DLG2: variants seen among roughly 807,000 people sequenced by gnomAD.
The protein encoded by DLG2 is disks large homolog 2.
In DLG2, 45 loss-of-function variants were observed where a neutral mutation model predicts 132.5. The observed-to-expected ratio is 0.34, with a 90% confidence interval of 0.27 to 0.44. DLG2 has a LOEUF of 0.44. Ranked by LOEUF, DLG2 falls within the 20% of genes least tolerant of loss-of-function variation. DLG2 has a pLI of 1.00. For synonymous variants in DLG2, 424 were observed against 419.6 expected, an observed-to-expected ratio of 1.01 and a Z score of -0.13; for missense variants, 1,045 against 1,196.9, an observed-to-expected ratio of 0.87 and a Z score of 1.87.
At chr11:83,604,149 A>G (rs1391166634) in intron 19 of DLG2, among the ~76,000 whole-genome samples, 1 of 152,226 alleles carries the variant, frequency 6.6e-6, no homozygotes, top group African/African-American at 2.4e-5. Context: ...ATTAAAAACA[A>G]AAAGACAGCA....
chr11:84,521,295 G>A (rs906142968), intron 7 of DLG2, among the ~76,000 whole-genome samples: 1 of 152,106 alleles, frequency 6.6e-6, no homozygotes, highest in African/African-American at 2.4e-5. Flanking sequence ...ATTGAAATAA[G>A]TGAACCTCTG....
chr11:85,196,771 A>C (rs1448857821), intron 4 of DLG2, among the ~76,000 whole-genome samples: 1 of 152,202 alleles, frequency 6.6e-6, no homozygotes, highest in Non-Finnish European at 1.5e-5. Context: ...TTATCATGAA[A>C]TTGGTGTACT....
intron 17 of DLG2, among the ~76,000 whole-genome samples, chr11:83,811,169 T>A (rs2047164052): frequency 6.6e-6 from 1 of 152,154 alleles, no homozygotes; most frequent in Non-Finnish European, 1.5e-5. Context: ...TATTGAGAAC[T>A]GAATAAGGTG....
At chr11:84,681,627 T>C (rs2099730246) in intron 6 of DLG2, among the ~76,000 whole-genome samples, 1 of 152,124 alleles carries the variant, frequency 6.6e-6, no homozygotes, top group South Asian at 2.1e-4. Flanking sequence ...ATGCTTTCAA[T>C]TAATGCTTGA....
rs1479359059 is a variant in DLG2 at position 85,312,329 on chromosome 11, A to G, written c.41-26964T>C. Among the ~76,000 whole-genome samples, 6 of 151,478 alleles carry G rather than the reference A, an allele frequency of 4.0e-5. No homozygotes were observed. The East Asian group carries it at 7.7e-4, about 20-fold the overall frequency. On this transcript the variant is annotated intron_variant, in intron 3 of 27. Transcript: ENST00000376104. ...ACCTATATAAGGAATTCTAAAAATG[A>G]CATCTCTCAGCTTTGTAAAATTTTA...
At chr11:84,224,301 T>C (rs1429903922) in intron 8 of DLG2, among the ~76,000 whole-genome samples, 1 of 152,184 alleles carries the variant, frequency 6.6e-6, no homozygotes, top group Non-Finnish European at 1.5e-5. Context: ...TTGAGTCCAG[T>C]CAATCCTAGG....
intron 4 of DLG2, among the ~76,000 whole-genome samples, chr11:85,243,318 A>G (rs2075981511): frequency 6.6e-6 from 1 of 152,006 alleles, no homozygotes; most frequent in Non-Finnish European, 1.5e-5. Context: ...TTCCACTGTG[A>G]CTAGACATTG....
At chr11:84,296,112 G>A (rs764314016) in intron 7 of DLG2, among the ~76,000 whole-genome samples, 6 of 152,098 alleles carry the variant, frequency 3.9e-5, no homozygotes, top group African/African-American at 1.2e-4. Context: ...TGGCTGAAAC[G>A]TATTCCCGAA....
At chr11:84,311,792 C>T (rs948852820) in intron 7 of DLG2, among the ~76,000 whole-genome samples, 4 of 152,210 alleles carry the variant, frequency 2.6e-5, no homozygotes, top group African/African-American at 9.6e-5. Context: ...TTTAATGAAC[C>T]TTCTCTCACA....
chr11:84,250,880 C>G (rs1201566688), intron 8 of DLG2, among the ~76,000 whole-genome samples: 3 of 152,182 alleles, frequency 2.0e-5, no homozygotes, highest in African/African-American at 7.2e-5. Flanking sequence ...AGGTTCCAGA[C>G]TATCACAGAA....
At chr11:85,157,296 G>A (rs1594916593) in intron 4 of DLG2, among the ~76,000 whole-genome samples, 1 of 152,118 alleles carries the variant, frequency 6.6e-6, no homozygotes, top group South Asian at 2.1e-4. Flanking sequence ...TGATTCTAGA[G>A]GGACAGAATA....
intron 3 of DLG2, among the ~76,000 whole-genome samples, chr11:85,407,777 A>T (rs1033007242): frequency 4.0e-5 from 6 of 151,856 alleles, no homozygotes; most frequent in Non-Finnish European, 8.8e-5. Flanking sequence ...AATAATACTT[A>T]TACTCCAAGT....
At chr11:85,001,056 G>A (rs2058159446) in intron 6 of DLG2, among the ~76,000 whole-genome samples, 1 of 151,914 alleles carries the variant, frequency 6.6e-6, no homozygotes, top group Admixed American at 6.6e-5. Flanking sequence ...ACAGCAAGAA[G>A]AACCCTTTTG....
chr11:84,939,454 G>A (rs1186677171), intron 6 of DLG2, among the ~76,000 whole-genome samples: 1 of 151,586 alleles, frequency 6.6e-6, no homozygotes, highest in Non-Finnish European at 1.5e-5. Flanking sequence ...AATTTCTGTT[G>A]ACTGCAATAA....
intron 9 of DLG2, among the ~76,000 whole-genome samples, chr11:84,130,890 T>C (rs866838642): frequency 6.7e-6 from 1 of 149,438 alleles, no homozygotes; most frequent in African/African-American, 2.5e-5. Context: ...AACAAACTCA[T>C]ACAGAGAAAA....
At chr11:84,889,327 G>C (rs1425778797) in intron 6 of DLG2, among the ~76,000 whole-genome samples, 1 of 152,132 alleles carries the variant, frequency 6.6e-6, no homozygotes. Context: ...ACTGAGGGCT[G>C]TAAAAATCTC....
intron 22 of DLG2, among the ~76,000 whole-genome samples, chr11:83,474,311 CCA>C (rs2092399677): frequency 6.6e-6 from 1 of 152,102 alleles, no homozygotes; most frequent in South Asian, 2.1e-4. Context: ...TTACTAACCC[CCA>C]GTTATCTAAA....
At chr11:83,844,360 C>T (rs2058198592) in intron 16 of DLG2, among the ~76,000 whole-genome samples, 1 of 140,962 alleles carries the variant, frequency 7.1e-6, no homozygotes, top group Non-Finnish European at 1.5e-5. Flanking sequence ...GCCTGGCTAA[C>T]ATGGTGAAAC....
intron 12 of DLG2, among the ~76,000 whole-genome samples, chr11:83,970,176 A>G (rs909326087): frequency 6.6e-6 from 1 of 152,218 alleles, no homozygotes; most frequent in African/African-American, 2.4e-5. Context: ...GAGTATGGAA[A>G]CTACACAGCT....
Sources: allele counts gnomAD v4.1 joint callset (sites outside exome capture counted in the v4.1 genomes callset), GRCh38; gene constraint gnomAD v4.1.1; transcripts MANE v1.5; gene names NCBI Gene and HGNC (gene_info 2026-07-23, HGNC 2026-07-21).